MLPH: variants seen among roughly 807,000 people sequenced by gnomAD.
MLPH encodes the protein exophilin-3.
A neutral mutation model predicts 72.1 loss-of-function variants in MLPH; 51 were observed. The ratio of observed to expected loss-of-function variants is 0.71; its 90% CI spans 0.56 to 0.89. The LOEUF is 0.89. Among genes scored for constraint, MLPH ranks in the 40% least tolerant of loss-of-function variants. The pLI is 0.00. For synonymous variants in MLPH, 301 were observed against 310.1 expected (o/e 0.97, Z 0.31); for missense variants, 743 against 759.9 (o/e 0.98, Z 0.26).
intron 11 of MLPH, 60 bp from the exon 12 acceptor site, chr2:237,542,507 C>T (rs2080712818): frequency 7.3e-7 from 1 of 1,373,534 alleles, no homozygotes; most frequent in Non-Finnish European, 1.0e-6. Flanking sequence ...CTGTCCATGA[C>T]TTTGAGGCGG....
At chr2:237,527,768 C>A (rs879444896) in intron 8 of MLPH, 46 of 535,872 alleles carry the variant, frequency 8.6e-5, no homozygotes, top group Middle Eastern at 5.2e-4. Context: ...TCCAACAATT[C>A]CACTTCTTGG....
intron 13 of MLPH, among the ~76,000 whole-genome samples, chr2:237,548,053 G>A (rs911372518): frequency 1.1e-4 from 16 of 152,246 alleles, no homozygotes; most frequent in African/African-American, 3.6e-4. Context: ...TCCACAGGAT[G>A]TTTACAGCAC....
At chr2:237,545,660 C>G in intron 12 of MLPH, 3 of 1,262,436 alleles carry the variant, frequency 2.4e-6, no homozygotes, top group Non-Finnish European at 3.1e-6. Context: ...GGCCAACATC[C>G]TCCTCTCCTG....
intron 13 of MLPH, 26 bp from the exon 14 acceptor site, chr2:237,549,194 AG>A (rs2080982262): frequency 6.2e-7 from 1 of 1,608,632 alleles, no homozygotes; most frequent in South Asian, 1.1e-5. Context: ...AACTTGATGA[AG>A]CCTGGAGACA....
chr2:237,546,930 G>T (rs1324368396), intron 13 of MLPH, among the ~76,000 whole-genome samples: 1 of 152,230 alleles, frequency 6.6e-6, no homozygotes. Flanking sequence ...CAGTAGGGGA[G>T]CGGGAAAGTG....
intron 4 of MLPH, among the ~76,000 whole-genome samples, chr2:237,514,490 A>T (rs1430397112): frequency 1.3e-5 from 2 of 152,080 alleles, no homozygotes; most frequent in Non-Finnish European, 2.9e-5. Context: ...GGAGAAAGGG[A>T]TACTGGTTTC....
At chr2:237,507,690 T>C (rs1574846206) in intron 2 of MLPH, among the ~76,000 whole-genome samples, 2 of 152,326 alleles carry the variant, frequency 1.3e-5, no homozygotes, top group African/African-American at 2.4e-5. Flanking sequence ...ACTGTCAAGC[T>C]CACAGCAGGC....
chr2:237,517,846 G>T (rs1166459806), intron 4 of MLPH, among the ~76,000 whole-genome samples: 1 of 151,240 alleles, frequency 6.6e-6, no homozygotes, highest in African/African-American at 2.4e-5. Context: ...AGAGAGGCAT[G>T]GGTGGTAGGT....
At chr2:237,538,682 A>C (rs2875754) in intron 9 of MLPH, among the ~76,000 whole-genome samples, 15,777 of 152,160 alleles carry the variant, frequency 0.1, 1,885 homozygotes, top group African/African-American at 0.28. Flanking sequence ...CACACACACA[A>C]AAAGACAGGT....
At chr2:237,533,210 T>G (rs1443228634) in intron 8 of MLPH, among the ~76,000 whole-genome samples, 1 of 151,988 alleles carries the variant, frequency 6.6e-6, no homozygotes, top group Non-Finnish European at 1.5e-5. Flanking sequence ...TCCTGGGGAG[T>G]GGGAGCTAGA....
At chr2:237,520,520 G>T (rs1367752717) in intron 6 of MLPH, among the ~76,000 whole-genome samples, 1 of 152,220 alleles carries the variant, frequency 6.6e-6, no homozygotes, top group Non-Finnish European at 1.5e-5. Flanking sequence ...CAGGGCATGC[G>T]CAGGGGCCAT....
chr2:237,494,887 T>A (rs1395318095), intron 2 of MLPH, among the ~76,000 whole-genome samples: 1 of 152,242 alleles, frequency 6.6e-6, no homozygotes. Flanking sequence ...CTGCTGCATA[T>A]GTGACTTGTA....
intron 14 of MLPH, among the ~76,000 whole-genome samples, chr2:237,550,764 G>T (rs1425998191): frequency 6.6e-6 from 1 of 152,144 alleles, no homozygotes; most frequent in Non-Finnish European, 1.5e-5. Context: ...GGCCAGGCTG[G>T]TCTCGAACTC....
chr2:237,519,379 T>C (rs1489361814), intron 5 of MLPH, among the ~76,000 whole-genome samples: 3 of 152,262 alleles, frequency 2.0e-5, no homozygotes, highest in African/African-American at 7.2e-5. Flanking sequence ...GTTCCCAGAA[T>C]GCTCTGCAGT....
At chr2:237,537,891 C>T (rs2080571457) in intron 9 of MLPH, among the ~76,000 whole-genome samples, 1 of 152,206 alleles carries the variant, frequency 6.6e-6, no homozygotes, top group Non-Finnish European at 1.5e-5. Context: ...TAAAGTTCCC[C>T]AGGTGGCATC....
intron 12 of MLPH, among the ~76,000 whole-genome samples, chr2:237,543,115 T>G (rs867918183): frequency 0.013 from 253 of 18,832 alleles, 2 homozygotes; most frequent in African/African-American, 0.028. Context: ...TGAGTGGGGG[T>G]ACAGTGGTGA....
At chr2:237,536,489 C>T (rs145991063) in intron 9 of MLPH, among the ~76,000 whole-genome samples, 7 of 152,322 alleles carry the variant, frequency 4.6e-5, no homozygotes, top group African/African-American at 9.6e-5. Flanking sequence ...CATCACTGAC[C>T]GGAGAGCACC....
intron 15 of MLPH, chr2:237,553,212 C>T (rs67525826): frequency 2.5e-5 from 12 of 484,688 alleles, no homozygotes; most frequent in East Asian, 1.2e-4. Context: ...TGGTTGGTTG[C>T]GGGAGGGGAC....
intron 2 of MLPH, among the ~76,000 whole-genome samples, chr2:237,507,069 T>C (rs867156969): frequency 1.2e-4 from 17 of 141,848 alleles, no homozygotes; most frequent in South Asian, 1.0e-3. Context: ...TTTCTTTTTT[T>C]TTTTTTTTTT....
Sources: allele counts gnomAD v4.1 joint callset (sites outside exome capture counted in the v4.1 genomes callset), GRCh38; gene constraint gnomAD v4.1.1; transcripts MANE v1.5; gene names NCBI Gene and HGNC (gene_info 2026-07-23, HGNC 2026-07-21).